FAM174B: variants seen among roughly 807,000 people sequenced by gnomAD.
FAM174B encodes membrane protein FAM174B.
Under a neutral mutation model 10.9 loss-of-function variants are expected in FAM174B, and 12 were observed. The ratio of observed to expected loss-of-function variants is 1.10; its 90% CI spans 0.71 to 1.79. The LOEUF (loss-of-function observed/expected upper bound fraction) is 1.79, where lower values mean the gene tolerates loss of function less well. Ranked by LOEUF, FAM174B falls within the 40% of genes most tolerant of loss-of-function variation. The probability of loss-of-function intolerance (pLI) is 0.00; values close to 1 mark genes in which losing one functional copy is unlikely to be tolerated. For missense variants in FAM174B, 266 were observed against 233.3 expected, an observed-to-expected ratio of 1.14 and a Z score of -0.91; for synonymous variants, 132 against 115.8, an observed-to-expected ratio of 1.14 and a Z score of -0.90.
chr15:92,632,092 T>C (rs912904792), intron 1 of FAM174B, among the ~76,000 whole-genome samples: 9 of 152,204 alleles, frequency 5.9e-5, no homozygotes, highest in African/African-American at 2.2e-4. Context: ...CTATTAGGGA[T>C]GATAAATAAA....
intron 2 of FAM174B, among the ~76,000 whole-genome samples, chr15:92,624,306 C>T (rs1446023901): frequency 6.6e-6 from 1 of 152,158 alleles, no homozygotes; most frequent in Non-Finnish European, 1.5e-5. Context: ...TAATGATGCC[C>T]ATTGTTTCTA....
chr15:92,637,748 C>T (rs1232290114), intron 1 of FAM174B, among the ~76,000 whole-genome samples: 1 of 152,156 alleles, frequency 6.6e-6, no homozygotes, highest in Non-Finnish European at 1.5e-5. Flanking sequence ...CCTCCCAGAA[C>T]TGCCATGAGC....
At chr15:92,626,197 C>T (rs1344913740) in intron 2 of FAM174B, among the ~76,000 whole-genome samples, 2 of 135,752 alleles carry the variant, frequency 1.5e-5, no homozygotes, top group African/African-American at 2.8e-5. Context: ...CTCCTGGGTT[C>T]GCGCCATTCT....
intron 2 of FAM174B, among the ~76,000 whole-genome samples, chr15:92,620,629 A>G (rs1385451959): frequency 1.3e-5 from 2 of 152,158 alleles, no homozygotes; most frequent in Non-Finnish European, 2.9e-5. Flanking sequence ...AGCCTGGCCA[A>G]CAAGGTGAAA....
chr15:92,623,085 G>A (rs1354014305), intron 2 of FAM174B, among the ~76,000 whole-genome samples: 2 of 151,998 alleles, frequency 1.3e-5, no homozygotes. Context: ...GATCCCGGGA[G>A]GCAGAGGGTG....
At position 92,655,403 on chromosome 15, in the gene FAM174B, C is replaced by T; in HGVS notation, c.257G>A (p.Arg86His). Residue 86 changes from arginine (R) to histidine (H), a missense_variant, in exon 1 of 3, where the codon CGC becomes CAC. Arg to His is a conservative substitution (Grantham distance 29). Coordinates refer to ENST00000327355, the MANE Select transcript of FAM174B (RefSeq NM_207446.3). ...GGCTGCCTTGAGGGTGGGTAGGTCG[C>T]GGAGGAGGATGGAAATGCGGGTCAC... Reference protein sequence around the residue: ...ALVTRISILLRDLPTLKAAVI... With the variant: ...ALVTRISILLHDLPTLKAAVI... 1 of 1,600,170 alleles carries T rather than the reference C, an allele frequency of 6.2e-7. No individual in the cohort carries two copies. The highest frequency in any genetic ancestry group is 1.4e-5 in the African/African-American group (1 of 73,132).
chr15:92,643,273 G>C (rs1297841078), intron 1 of FAM174B, among the ~76,000 whole-genome samples: 1 of 151,584 alleles, frequency 6.6e-6, no homozygotes, highest in East Asian at 1.9e-4. Flanking sequence ...GGCTGGGTTG[G>C]ACACTTTAAA....
intron 2 of FAM174B, among the ~76,000 whole-genome samples, chr15:92,623,813 A>C (rs1214195179): frequency 2.0e-5 from 3 of 152,260 alleles, no homozygotes; most frequent in Non-Finnish European, 4.4e-5. Context: ...ACCACGTGAC[A>C]GGGAAGCCCC....
At chr15:92,634,058 G>C (rs1449492026) in intron 1 of FAM174B, among the ~76,000 whole-genome samples, 4 of 152,248 alleles carry the variant, frequency 2.6e-5, no homozygotes, top group Non-Finnish European at 4.4e-5. Context: ...AGTTGCGGCT[G>C]TCTGGGAGGA....
At chr15:92,653,885 A>G (rs570260383) in intron 1 of FAM174B, among the ~76,000 whole-genome samples, 3 of 152,394 alleles carry the variant, frequency 2.0e-5, no homozygotes, top group African/African-American at 7.2e-5. Context: ...CAAGGGCCCC[A>G]AATGCCACAC....
Position 92,619,449 on chromosome 15 carries a change from A to C in FAM174B, c.*7T>G. ...CCACAGGATGCCACCAGGCTGGGAA[A>C]CAGGTTTTACCTAAAAGAAAGGGAA... On this transcript the variant is annotated 3_prime_UTR_variant, in exon 3 of 3. Coordinates refer to ENST00000327355, the MANE Select transcript of FAM174B (RefSeq NM_207446.3). The C allele has an allele frequency of 6.2e-7, 1 of 1,613,932 alleles. No homozygotes were observed. The highest frequency in any genetic ancestry group is 1.1e-5 in the South Asian group (1 of 91,066).
At chr15:92,621,676 A>G (rs1006618135) in intron 2 of FAM174B, among the ~76,000 whole-genome samples, 2 of 152,074 alleles carry the variant, frequency 1.3e-5, no homozygotes, top group Admixed American at 1.3e-4. Context: ...AGACTAGAGA[A>G]AGAGAAAAAG....
In FAM174B at chr15:92,655,686, G is replaced by A. The variant is rs1243852797; in HGVS notation, c.-27C>T. On this transcript the variant is annotated 5_prime_UTR_variant, in exon 1 of 3. Transcript: ENST00000327355. Reference sequence around the variant, plus strand: ...GTGCGGTGGGTCGGCACAGGATCGGGCAGGGCGCGCGCGGCTGAGCTCCAG... The same window carrying A: ...GTGCGGTGGGTCGGCACAGGATCGGACAGGGCGCGCGCGGCTGAGCTCCAG... 1.9e-5 allele frequency: 24 copies of A among 1,239,822 alleles called. No individual in the cohort carries two copies. The highest frequency in any genetic ancestry group is 2.3e-5 in the Non-Finnish European group (23 of 993,018). The allele number at this position is 1,239,822 out of a possible 1,614,324, so 76.8% of individuals were successfully genotyped here.
chr15:92,626,227 T>G (rs1054854325), intron 2 of FAM174B, among the ~76,000 whole-genome samples: 12 of 148,714 alleles, frequency 8.1e-5, no homozygotes, highest in African/African-American at 3.0e-4. Context: ...GCCTCCCAAG[T>G]AGCTGGGACT....
Position 92,619,368 on chromosome 15 carries a change from G to C in FAM174B, c.*88C>G. On this transcript the variant is annotated 3_prime_UTR_variant, in exon 3 of 3. Coordinates refer to ENST00000327355, the MANE Select transcript of FAM174B (RefSeq NM_207446.3). Reference sequence around the variant, plus strand: ...TCGTTTTGGTTTCAACACCTCCGACGCAAGAGGGCTTCCAGGTCCAGTCCT... The same window carrying C: ...TCGTTTTGGTTTCAACACCTCCGACCCAAGAGGGCTTCCAGGTCCAGTCCT... The C allele has an allele frequency of 2.6e-6, 4 of 1,525,002 alleles. No homozygotes were observed. The South Asian group carries it at 4.5e-5, about 17-fold the overall frequency. 94.5% of individuals were successfully genotyped at this position (1,525,002 alleles called of 1,614,324 possible).
chr15:92,617,673 G>A lies in FAM174B; in HGVS notation c.*1783C>T, dbSNP rs1331148499. ...AGCCAGCAGTTCCAGTTCAAAGGTT[G>A]AGGGGGCGAACAGCTGCGAGGTGGC... On this transcript the variant is annotated 3_prime_UTR_variant, in exon 3 of 3. Transcript: ENST00000327355. 12 of 681,652 alleles carry A rather than the reference G, an allele frequency of 1.8e-5. No individual in the cohort carries two copies. In the Admixed American group the frequency reaches 2.6e-4, roughly 15 times the overall value. The allele number at this position is 681,652 out of a possible 1,614,324, so 42.2% of individuals were successfully genotyped here. A position where few individuals can be genotyped will look rare whatever the true frequency, so the allele number is the denominator to read the frequency against.
chr15:92,630,153 T>C, intron 2 of FAM174B, 61 bp downstream of exon 2: 1 of 1,581,756 alleles, frequency 6.3e-7, no homozygotes, highest in Non-Finnish European at 8.7e-7. Context: ...ATGCCTGACC[T>C]CGAGGTCCCA....
rs146703401 is a variant in FAM174B at position 92,617,719 on chromosome 15, C to G, written c.*1737G>C. 646 of 681,124 alleles carry G rather than the reference C, an allele frequency of 9.5e-4. 7 individuals are homozygous for G. The highest frequency in any genetic ancestry group is 9.0e-3 in the East Asian group (313 of 34,834). The allele number at this position is 681,124 out of a possible 1,614,324, so 42.2% of individuals were successfully genotyped here. On this transcript the variant is annotated 3_prime_UTR_variant, in exon 3 of 3. Coordinates refer to ENST00000327355, the MANE Select transcript of FAM174B (RefSeq NM_207446.3). ...GTGGCCAGGCTCCCGTGAGTCACCACTCAGGCCTGAGTACACCGTGGAGAG... is the reference window on the plus strand; with the variant it reads ...GTGGCCAGGCTCCCGTGAGTCACCAGTCAGGCCTGAGTACACCGTGGAGAG...
intron 2 of FAM174B, among the ~76,000 whole-genome samples, chr15:92,626,852 A>C (rs910953443): frequency 1.3e-5 from 2 of 152,062 alleles, no homozygotes; most frequent in Admixed American, 1.3e-4. Context: ...AGAGATCGAG[A>C]CCATCCTGGC....
Sources: allele counts gnomAD v4.1 joint callset (sites outside exome capture counted in the v4.1 genomes callset), GRCh38; gene constraint gnomAD v4.1.1; transcripts MANE v1.5; gene names NCBI Gene and HGNC (gene_info 2026-07-23, HGNC 2026-07-21).